The following FRRS1 variants were observed in gnomAD, a reference collection of about 807,000 sequenced individuals.
FRRS1 encodes ferric reductase 1.
In FRRS1, 51 loss-of-function variants were observed where a neutral mutation model predicts 70.7. That is an observed-to-expected ratio of 0.72 (90% CI 0.58 to 0.91). The LOEUF (loss-of-function observed/expected upper bound fraction) is 0.91, where lower values mean the gene tolerates loss of function less well. FRRS1 is among the 40% of genes least tolerant of loss of function. The pLI is 0.00. For synonymous variants in FRRS1, 225 were observed against 238.7 expected (o/e 0.94, Z 0.53); for missense variants, 672 against 726.0 (o/e 0.93, Z 0.86).
rs989029965 is a variant in FRRS1 at position 99,704,810 on chromosome 1, T to C, written c.*4218A>G. On this transcript the variant is annotated 3_prime_UTR_variant, in exon 17 of 17. Coordinates refer to ENST00000646001, the MANE Select transcript of FRRS1 (RefSeq NM_001361041.2). ...CACGACTGGCGGAAGGAGGAACAGT[T>C]GGCGGAGTTTGGCCGGGGCAATCAG... is the stretch of plus-strand genomic sequence containing the variant. 1.3e-5 allele frequency among the ~76,000 whole-genome samples: 2 copies of C among 151,944 alleles called. No homozygotes were observed. Among genetic ancestry groups the C allele is most frequent in the Non-Finnish European group, 2.9e-5 (2 of 67,984 alleles).
chr1:99,752,519 T>G (rs1204190712), intron 1 of FRRS1, among the ~76,000 whole-genome samples: 1 of 152,210 alleles, frequency 6.6e-6, no homozygotes, highest in Admixed American at 6.5e-5. Flanking sequence ...GTTTGCCATC[T>G]TATACGGGTG....
chr1:99,704,637 C>T lies in FRRS1; in HGVS notation c.*4391G>A, dbSNP rs1217296125. Among the ~76,000 whole-genome samples the T allele has an allele frequency of 2.0e-5, 3 of 152,116 alleles. No individual in the cohort carries two copies. Among genetic ancestry groups the T allele is most frequent in the Non-Finnish European group, 4.4e-5 (3 of 68,024 alleles). On this transcript the variant is annotated 3_prime_UTR_variant, in exon 17 of 17. Coordinates refer to ENST00000646001, the MANE Select transcript of FRRS1 (RefSeq NM_001361041.2). ...CGCCCCCATCCTGTGCCTATAAAAA[C>T]CTCCAAGATTCTAGCAGGCAGACAC... is the stretch of plus-strand genomic sequence containing the variant.
intron 10 of FRRS1, among the ~76,000 whole-genome samples, chr1:99,717,740 C>T (rs1654606168): frequency 6.6e-6 from 1 of 152,202 alleles, no homozygotes; most frequent in South Asian, 2.1e-4. Flanking sequence ...GCCAGGCATT[C>T]TAAATGCTTT....
At position 99,729,701 on chromosome 1, in the gene FRRS1, G is replaced by A. The variant is rs1324605255; in HGVS notation, c.807C>T (p.Tyr269=). 1 of 1,613,516 alleles carries A rather than the reference G, an allele frequency of 6.2e-7. No homozygotes were observed. Among genetic ancestry groups the A allele is most frequent in the South Asian group, 1.1e-5 (1 of 91,020 alleles). ...GCCCCGTTAAATGGGAAGGCTGGAT[G>A]TACACAGTCTGATCTTCATGAATAC... ...YLCIHEDQTV[Y]IQPSHLTGRS... Residue 269 remains tyrosine (Y), a synonymous_variant, in exon 8 of 17, where the codon TAC becomes TAT. Transcript: ENST00000646001.
At chr1:99,753,878 A>G (rs1656698880) in intron 1 of FRRS1, among the ~76,000 whole-genome samples, 1 of 152,226 alleles carries the variant, frequency 6.6e-6, no homozygotes, top group African/African-American at 2.4e-5. Context: ...AGACCCTATT[A>G]TGTGTTTTCT....
intron 9 of FRRS1, among the ~76,000 whole-genome samples, chr1:99,721,159 T>C (rs1654801260): frequency 6.6e-6 from 1 of 152,060 alleles, no homozygotes; most frequent in South Asian, 2.1e-4. Context: ...GGTGGGTGGA[T>C]CACGAGGTCA....
At position 99,710,803 on chromosome 1, in the gene FRRS1, T is replaced by G; in HGVS notation, c.1624+3A>C. The G allele has an allele frequency of 6.2e-7, 1 of 1,613,198 alleles. No homozygotes were observed. The highest frequency in any genetic ancestry group is 8.5e-7 in the Non-Finnish European group (1 of 1,179,618). On this transcript the variant is annotated splice_donor_region_variant and intron_variant, in intron 15 of 16. Transcript: ENST00000646001. ...ACATAACATGGCTTTTTTACCAGGTTACCTTTGCGAGAGAGCCGATAAGCA... is the reference window on the plus strand; with the variant it reads ...ACATAACATGGCTTTTTTACCAGGTGACCTTTGCGAGAGAGCCGATAAGCA...
At chr1:99,765,594 T>TC (rs1214265325) in intron 1 of FRRS1, 1 of 144,150 alleles carries the variant, frequency 6.9e-6, no homozygotes. Flanking sequence ...AGAGCAACAC[T>TC]CCGTCTCGAA....
rs116661902 is a variant in FRRS1 at position 99,759,391 on chromosome 1, T to C, written c.-106+7216A>G. ...AATAGAAAGAACCTATGTTGAAATA[T>C]TGGGGGCGGGTTCCTCCAGTAATCT... On this transcript the variant is annotated intron_variant, in intron 1 of 16. Coordinates refer to ENST00000646001, the MANE Select transcript of FRRS1 (RefSeq NM_001361041.2). Among the ~76,000 whole-genome samples the C allele has an allele frequency of 3.3e-3, 498 of 152,284 alleles. 3 individuals carry two copies. Among genetic ancestry groups the C allele is most frequent in the African/African-American group, 0.012 (485 of 41,566 alleles).
At chr1:99,718,476 A>G (rs1384322747) in intron 10 of FRRS1, among the ~76,000 whole-genome samples, 2 of 152,070 alleles carry the variant, frequency 1.3e-5, no homozygotes, top group African/African-American at 2.4e-5. Flanking sequence ...CTACAGGCGT[A>G]CACCACCATG....
At chr1:99,743,758 C>T (rs1221457397) in intron 4 of FRRS1, among the ~76,000 whole-genome samples, 4 of 152,112 alleles carry the variant, frequency 2.6e-5, no homozygotes, top group African/African-American at 9.7e-5. Flanking sequence ...CCATGTTTCC[C>T]AGTCTGGTCT....
intron 6 of FRRS1, 52 bp downstream of exon 6, chr1:99,740,741 G>T: frequency 7.7e-7 from 1 of 1,296,250 alleles, no homozygotes; most frequent in Non-Finnish European, 1.1e-6. Context: ...AGACCGGCCT[G>T]GGCAACATGG....
chr1:99,718,910 G>GA (rs1654667549), intron 10 of FRRS1, among the ~76,000 whole-genome samples: 1 of 152,124 alleles, frequency 6.6e-6, no homozygotes, highest in African/African-American at 2.4e-5. Flanking sequence ...GCTGCAGTTA[G>GA]AAACAACTAG....
At position 99,704,381 on chromosome 1, in the gene FRRS1, C is replaced by G. The variant is rs775156483; in HGVS notation, c.*4647G>C. 2.0e-5 allele frequency among the ~76,000 whole-genome samples: 3 copies of G among 152,152 alleles called. No individual in the cohort carries two copies. The highest frequency in any genetic ancestry group is 2.9e-5 in the Non-Finnish European group (2 of 68,034). On this transcript the variant is annotated 3_prime_UTR_variant, in exon 17 of 17. Transcript: ENST00000646001. ...GTTGGACAGCAAGTCAGGGAAGGAG[C>G]TAGAACTTGATAAACTAGCTTTTGT... is the stretch of plus-strand genomic sequence containing the variant.
Position 99,714,970 on chromosome 1 carries a change from T to C in FRRS1, c.1323+616A>G, listed in dbSNP as rs113478145. ...TTGGGAATAAGCATCAGTTTCTTCATTTGTGACATGGGATTATTATTAATA... is the reference window on the plus strand; with the variant it reads ...TTGGGAATAAGCATCAGTTTCTTCACTTGTGACATGGGATTATTATTAATA... On this transcript the variant is annotated intron_variant, in intron 12 of 16. Transcript: ENST00000646001. 7.7e-3 allele frequency among the ~76,000 whole-genome samples: 1,165 copies of C among 152,280 alleles called. 15 individuals carry two copies. The highest frequency in any genetic ancestry group is 0.026 in the African/African-American group (1,094 of 41,556).
Sources: allele counts gnomAD v4.1 joint callset (sites outside exome capture counted in the v4.1 genomes callset), GRCh38; gene constraint gnomAD v4.1.1; transcripts MANE v1.5; gene names NCBI Gene and HGNC (gene_info 2026-07-23, HGNC 2026-07-21).